TRPC4: variants seen among roughly 807,000 people sequenced by gnomAD.
TRPC4 encodes the protein short transient receptor potential channel 4.
TRPC4 carries 49 observed loss-of-function variants against 99.4 expected under a neutral mutation model. The observed-to-expected ratio is 0.49, with a 90% confidence interval of 0.39 to 0.63. The LOEUF (loss-of-function observed/expected upper bound fraction) is 0.63. Among genes scored for constraint, TRPC4 ranks in the 20% least tolerant of loss-of-function variants. The pLI is 0.00. For synonymous variants in TRPC4, 454 were observed against 425.9 expected (o/e 1.07, Z -0.81); for missense variants, 898 against 1,152.9 (o/e 0.78, Z 3.20).
At chr13:37,799,557 A>T (rs915031786) in intron 1 of TRPC4, among the ~76,000 whole-genome samples, 2 of 152,152 alleles carry the variant, frequency 1.3e-5, no homozygotes, top group Non-Finnish European at 2.9e-5. Flanking sequence ...ATATGTAAAA[A>T]AGGGATAACA....
rs575843142 is a variant in TRPC4, at chr13:37,861,359, A to G, written c.-28+8236T>C. Reference sequence around the variant, plus strand: ...ATTATTGCCATTAACTATTAATCTAAAAATGGGCAATTTTCATTTTTTAAT... The same window carrying G: ...ATTATTGCCATTAACTATTAATCTAGAAATGGGCAATTTTCATTTTTTAAT... On this transcript the variant is annotated intron_variant, in intron 1 of 10. Coordinates refer to ENST00000379705, the MANE Select transcript of TRPC4 (RefSeq NM_016179.4). 2.0e-5 allele frequency among the ~76,000 whole-genome samples: 3 copies of G among 151,728 alleles called. No individual in the cohort carries two copies. The East Asian group carries it at 5.8e-4, about 29-fold the overall frequency.
intron 1 of TRPC4, among the ~76,000 whole-genome samples, chr13:37,830,819 ATAAT>A (rs1958401598): frequency 6.8e-6 from 1 of 148,026 alleles, no homozygotes; most frequent in African/African-American, 2.5e-5. Flanking sequence ...ATATATATAT[ATAAT>A]ATAATAGTAT....
chr13:37,833,088 C>T (rs763378310), intron 1 of TRPC4, among the ~76,000 whole-genome samples: 4 of 151,924 alleles, frequency 2.6e-5, no homozygotes, highest in Non-Finnish European at 4.4e-5. Flanking sequence ...TCTTCCTAAG[C>T]TCCTTCATTA....
chr13:37,835,312 C>G (rs1958537171), intron 1 of TRPC4, among the ~76,000 whole-genome samples: 1 of 152,070 alleles, frequency 6.6e-6, no homozygotes, highest in Non-Finnish European at 1.5e-5. Flanking sequence ...AAAATATGAC[C>G]TATGAATGTC....
At chr13:37,650,610 T>TACACACACACAC (rs1555250394) in intron 8 of TRPC4, among the ~76,000 whole-genome samples, 4 of 65,090 alleles carry the variant, frequency 6.1e-5, no homozygotes, top group Non-Finnish European at 1.2e-4. Flanking sequence ...TCTCTCTCTC[T>TACACACACACAC]ATACACACAC....
intron 1 of TRPC4, among the ~76,000 whole-genome samples, chr13:37,861,382 A>G (rs1464096976): frequency 6.6e-6 from 1 of 151,590 alleles, no homozygotes; most frequent in Non-Finnish European, 1.5e-5. Context: ...TTCATTTTTT[A>G]ATTATATACA....
chr13:37,714,505 A>G (rs1467818718), intron 3 of TRPC4, among the ~76,000 whole-genome samples: 2 of 152,238 alleles, frequency 1.3e-5, no homozygotes, highest in African/African-American at 2.4e-5. Flanking sequence ...TTTCAAAATC[A>G]CACATTTAAT....
At position 37,635,367 on chromosome 13, in the gene TRPC4, G is replaced by A. The variant is rs1428639346; in HGVS notation, c.*1536C>T. ...TCAGTTTCATCATATGTGAAATGGG[G>A]ATAAAAACAGGAGCTACTTCAGAGG... On this transcript the variant is annotated 3_prime_UTR_variant, in exon 11 of 11. Coordinates refer to ENST00000379705, the MANE Select transcript of TRPC4 (RefSeq NM_016179.4). 6.6e-6 allele frequency among the ~76,000 whole-genome samples: 1 copy of A among 152,130 alleles called. No homozygotes were observed. Among genetic ancestry groups the A allele is most frequent in the Non-Finnish European group, 1.5e-5 (1 of 68,006 alleles).
At chr13:37,759,211 C>A (rs2139230984) in intron 2 of TRPC4, among the ~76,000 whole-genome samples, 1 of 151,830 alleles carries the variant, frequency 6.6e-6, no homozygotes, top group Non-Finnish European at 1.5e-5. Context: ...GGCACTAAAA[C>A]AATCTTCTAC....
chr13:37,798,004 A>T (rs1272730703), intron 1 of TRPC4, among the ~76,000 whole-genome samples: 1 of 152,194 alleles, frequency 6.6e-6, no homozygotes, highest in Non-Finnish European at 1.5e-5. Context: ...TGAAGACTAC[A>T]CTTAAAGCAG....
chr13:37,799,086 C>T (rs966256797), intron 1 of TRPC4, among the ~76,000 whole-genome samples: 1 of 152,014 alleles, frequency 6.6e-6, no homozygotes, highest in Non-Finnish European at 1.5e-5. Flanking sequence ...TGCCCACCGC[C>T]TTGCCCAGCT....
At chr13:37,791,649 G>T (rs967102327) in intron 1 of TRPC4, among the ~76,000 whole-genome samples, 1 of 152,148 alleles carries the variant, frequency 6.6e-6, no homozygotes. Context: ...ATGAAAATTA[G>T]CAAACATAAT....
chr13:37,655,516 C>T (rs1952199463), intron 6 of TRPC4, among the ~76,000 whole-genome samples: 1 of 151,958 alleles, frequency 6.6e-6, no homozygotes, highest in East Asian at 1.9e-4. Context: ...TTCCCAAGAG[C>T]TTTGAAAGCT....
At chr13:37,832,688 A>C (rs2139599747) in intron 1 of TRPC4, among the ~76,000 whole-genome samples, 1 of 152,328 alleles carries the variant, frequency 6.6e-6, no homozygotes, top group South Asian at 2.1e-4. Context: ...TAATTACAAA[A>C]ATTTAAAATT....
chr13:37,834,840 G>A (rs141463520), intron 1 of TRPC4, among the ~76,000 whole-genome samples: 3 of 152,172 alleles, frequency 2.0e-5, no homozygotes, highest in African/African-American at 7.2e-5. Flanking sequence ...TGATTCTTGA[G>A]TCTCCTGCCT....
chr13:37,646,032 C>T (rs539683828), intron 8 of TRPC4, among the ~76,000 whole-genome samples: 66 of 152,184 alleles, frequency 4.3e-4, no homozygotes, highest in African/African-American at 5.1e-4. Flanking sequence ...GATTAGGGAG[C>T]GATACATTTT....
Position 37,639,091 on chromosome 13 carries a change from T to G in TRPC4, c.2160A>C (p.Ala720=). ...CTTCAGTTTTAGCATCTCTAATCATTGCAGCAACGTATCGCTTCACCAGGT... is the reference window on the plus strand; with the variant it reads ...CTTCAGTTTTAGCATCTCTAATCATGGCAGCAACGTATCGCTTCACCAGGT... ...MRNLVKRYVA[A]MIRDAKTEEG... is the part of the protein sequence containing the mutation. Residue 720 remains alanine (A), a synonymous_variant, in exon 10 of 11, where the codon GCA becomes GCC. Transcript: ENST00000379705. 1 of 1,613,726 alleles carries G rather than the reference T, an allele frequency of 6.2e-7. No individual in the cohort carries two copies. Among genetic ancestry groups the G allele is most frequent in the Non-Finnish European group, 8.5e-7 (1 of 1,179,652 alleles).
chr13:37,835,899 G>C (rs1958551856), intron 1 of TRPC4, among the ~76,000 whole-genome samples: 1 of 152,128 alleles, frequency 6.6e-6, no homozygotes, highest in Non-Finnish European at 1.5e-5. Flanking sequence ...ATTTAATAAT[G>C]AATTATTTGT....
intron 3 of TRPC4, among the ~76,000 whole-genome samples, chr13:37,737,226 GTAA>G (rs141469952): frequency 2.4e-4 from 35 of 148,360 alleles, no homozygotes; most frequent in Middle Eastern, 3.6e-3. Flanking sequence ...ACAAAAAATA[GTAA>G]TAATAATAAT....
Sources: gnomAD v4.1 joint callset for allele counts (sites outside exome capture counted in the v4.1 genomes callset) on GRCh38, gnomAD v4.1.1 for gene constraint, MANE v1.5 for transcripts, NCBI Gene and HGNC (gene_info 2026-07-23, HGNC 2026-07-21) for gene names.